Variants in ARMH3 observed in about 807,000 individuals in gnomAD.
The protein encoded by ARMH3 is armadillo-like helical domain-containing protein 3.
A neutral mutation model predicts 99.1 loss-of-function variants in ARMH3; 60 were observed. The ratio of observed to expected loss-of-function variants is 0.61; its 90% CI spans 0.49 to 0.75. ARMH3 has a LOEUF of 0.75. ARMH3 is among the 30% of genes least tolerant of loss of function. ARMH3 has a pLI of 0.00. For missense variants in ARMH3, 679 were observed against 843.1 expected (o/e 0.81, Z 2.41); for synonymous variants, 285 against 292.8 (o/e 0.97, Z 0.27).
intron 24 of ARMH3, among the ~76,000 whole-genome samples, chr10:101,872,326 AAAG>A (rs1166653366): frequency 1.3e-5 from 2 of 152,116 alleles, no homozygotes; most frequent in African/African-American, 4.8e-5. Context: ...CAATTTAAGA[AAAG>A]AAGAACAACC....
rs2067369416 is a variant in ARMH3, at chr10:102,039,942, T to C, written c.102+71A>G. 4 of 1,394,920 alleles carry C rather than the reference T, an allele frequency of 2.9e-6. No homozygotes were observed. In the East Asian group the frequency reaches 9.1e-5, roughly 32 times the overall value. The allele number at this position is 1,394,920 out of a possible 1,614,324, so 86.4% of individuals were successfully genotyped here. On this transcript the variant is annotated intron_variant, in intron 2 of 25. Coordinates refer to ENST00000370033, the MANE Select transcript of ARMH3 (RefSeq NM_024541.3). ...GGAACCTGAAGGTAGCAGGCAGAGGTAAGGGTATTTCTCATCTTGGACTAA... is the reference window on the plus strand; with the variant it reads ...GGAACCTGAAGGTAGCAGGCAGAGGCAAGGGTATTTCTCATCTTGGACTAA...
At chr10:101,875,372 G>A (rs1007970611) in intron 24 of ARMH3, among the ~76,000 whole-genome samples, 2 of 152,084 alleles carry the variant, frequency 1.3e-5, no homozygotes, top group Non-Finnish European at 2.9e-5. Flanking sequence ...TCTCTCTCCA[G>A]GGTACAAACA....
At chr10:101,890,731 G>C (rs773188564) in intron 23 of ARMH3, among the ~76,000 whole-genome samples, 1 of 152,176 alleles carries the variant, frequency 6.6e-6, no homozygotes, top group Non-Finnish European at 1.5e-5. Context: ...TTAACCAAAT[G>C]ATGAAGCTGT....
intron 23 of ARMH3, among the ~76,000 whole-genome samples, chr10:101,897,311 G>A (rs1238513604): frequency 6.6e-6 from 1 of 152,134 alleles, no homozygotes; most frequent in African/African-American, 2.4e-5. Context: ...CCAATATTTT[G>A]TCCAGTTTCA....
At chr10:101,900,200 C>T (rs576435486) in intron 23 of ARMH3, among the ~76,000 whole-genome samples, 2 of 152,246 alleles carry the variant, frequency 1.3e-5, no homozygotes, top group South Asian at 2.1e-4. Flanking sequence ...GTGGCAGGTC[C>T]GAAGTTACTG....
intron 23 of ARMH3, among the ~76,000 whole-genome samples, chr10:101,932,083 A>C (rs1313064244): frequency 6.6e-6 from 1 of 152,218 alleles, no homozygotes; most frequent in East Asian, 1.9e-4. Flanking sequence ...TCCATTAAAA[A>C]ATGAGCAGAA....
At chr10:101,957,401 C>T (rs1845089194) in intron 21 of ARMH3, among the ~76,000 whole-genome samples, 1 of 152,152 alleles carries the variant, frequency 6.6e-6, no homozygotes, top group African/African-American at 2.4e-5. Flanking sequence ...ACTATTCATA[C>T]ACAGAGATCT....
chr10:101,855,525 T>C (rs958994224), intron 24 of ARMH3, among the ~76,000 whole-genome samples: 6 of 150,888 alleles, frequency 4.0e-5, no homozygotes, highest in Non-Finnish European at 8.9e-5. Flanking sequence ...GCCTGGATGA[T>C]GGAGTGAGAC....
At chr10:101,984,820 C>T (rs1207877734) in intron 19 of ARMH3, among the ~76,000 whole-genome samples, 1 of 151,884 alleles carries the variant, frequency 6.6e-6, no homozygotes, top group African/African-American at 2.4e-5. Flanking sequence ...CCTGTAATCC[C>T]AGCACTTTGG....
chr10:101,993,092 G>A (rs1846877900), intron 17 of ARMH3, among the ~76,000 whole-genome samples: 1 of 151,848 alleles, frequency 6.6e-6, no homozygotes, highest in Non-Finnish European at 1.5e-5. Flanking sequence ...CCAACGTGGT[G>A]AAACCCCATC....
At chr10:101,889,962 G>C (rs1002748645) in intron 23 of ARMH3, among the ~76,000 whole-genome samples, 1 of 151,912 alleles carries the variant, frequency 6.6e-6, no homozygotes, top group African/African-American at 2.4e-5. Flanking sequence ...TTTTATATCC[G>C]GCCATTCAAC....
chr10:101,928,460 C>T (rs1168585657), intron 23 of ARMH3, among the ~76,000 whole-genome samples: 1 of 152,162 alleles, frequency 6.6e-6, no homozygotes, highest in Non-Finnish European at 1.5e-5. Context: ...CCAATAAAAA[C>T]GGGCCACAAT....
chr10:102,011,687 GT>G (rs548927561), intron 11 of ARMH3, 35 bp downstream of exon 11: 3 of 1,523,148 alleles, frequency 2.0e-6, no homozygotes, highest in African/African-American at 2.8e-5. Context: ...CACTGTTTCT[GT>G]TTTTTTCAGG....
chr10:102,053,399 G>A (rs1161949743), intron 1 of ARMH3, among the ~76,000 whole-genome samples: 1 of 151,818 alleles, frequency 6.6e-6, no homozygotes, highest in Non-Finnish European at 1.5e-5. Flanking sequence ...CTCTCCAAAT[G>A]AAATGCCTTT....
intron 24 of ARMH3, among the ~76,000 whole-genome samples, chr10:101,878,177 G>C (rs1264036464): frequency 6.6e-6 from 1 of 152,144 alleles, no homozygotes; most frequent in African/African-American, 2.4e-5. Context: ...AGAATTGCTA[G>C]AACCCAGGAG....
chr10:101,869,695 C>T (rs541064181), intron 24 of ARMH3, among the ~76,000 whole-genome samples: 1 of 152,028 alleles, frequency 6.6e-6, no homozygotes, highest in African/African-American at 2.4e-5. Context: ...TAAATCAAAG[C>T]AAACAGAAGG....
At chr10:102,012,934 T>A in intron 9 of ARMH3, 58 bp from the exon 10 acceptor site, 1 of 1,467,542 alleles carries the variant, frequency 6.8e-7, no homozygotes. Context: ...GAGTTGGTGA[T>A]GATGCTAGAA....
intron 5 of ARMH3, among the ~76,000 whole-genome samples, chr10:102,029,218 TA>T (rs2067067627): frequency 6.6e-6 from 1 of 152,224 alleles, no homozygotes; most frequent in Non-Finnish European, 1.5e-5. Context: ...ATATGAATTA[TA>T]AGGCTGTTAT....
chr10:101,968,868 A>G (rs12779949), intron 20 of ARMH3, among the ~76,000 whole-genome samples: 1 of 152,182 alleles, frequency 6.6e-6, no homozygotes, highest in Non-Finnish European at 1.5e-5. Context: ...TCATAACTAC[A>G]TTATAGAACC....
Sources: allele counts gnomAD v4.1 joint callset (sites outside exome capture counted in the v4.1 genomes callset), GRCh38; gene constraint gnomAD v4.1.1; transcripts MANE v1.5; gene names NCBI Gene and HGNC (gene_info 2026-07-23, HGNC 2026-07-21).